Variants in MARCHF1 observed in about 807,000 individuals in gnomAD.
The protein encoded by MARCHF1 is membrane associated ring-CH-type finger 1, also known as E3 ubiquitin-protein ligase MARCHF1.
In MARCHF1, 40 loss-of-function variants were observed where a neutral mutation model predicts 54.2. The observed-to-expected ratio is 0.74, with a 90% CI of 0.57 to 0.96. The LOEUF (loss-of-function observed/expected upper bound fraction) is 0.96. MARCHF1 is among the 40% of genes least tolerant of loss of function. The pLI is 0.00. For missense variants in MARCHF1, 586 were observed against 656.5 expected (o/e 0.89, Z 1.17); for synonymous variants, 236 against 236.3 (o/e 1.00, Z 0.01).
At chr4:164,069,005 T>C (rs1754794235) in intron 2 of MARCHF1, among the ~76,000 whole-genome samples, 1 of 152,052 alleles carries the variant, frequency 6.6e-6, no homozygotes, top group African/African-American at 2.4e-5. Flanking sequence ...TGGAGAACCT[T>C]TGTGTCTAGC....
chr4:164,078,948 C>T (rs1393865645), intron 2 of MARCHF1, among the ~76,000 whole-genome samples: 1 of 151,970 alleles, frequency 6.6e-6, no homozygotes, highest in Non-Finnish European at 1.5e-5. Flanking sequence ...AATTATAATC[C>T]CACCAACAAT....
intron 5 of MARCHF1, among the ~76,000 whole-genome samples, chr4:163,655,718 A>C (rs113229468): frequency 0.011 from 1,675 of 152,160 alleles, 33 homozygotes; most frequent in African/African-American, 0.036. Flanking sequence ...CTGAGACCAC[A>C]GTGCAATCAA....
intron 4 of MARCHF1, among the ~76,000 whole-genome samples, chr4:163,841,670 A>G (rs1006505199): frequency 1.3e-5 from 2 of 152,162 alleles, no homozygotes; most frequent in Admixed American, 6.6e-5. Context: ...AGGTGAAATT[A>G]TTCAACCCAT....
intron 5 of MARCHF1, among the ~76,000 whole-genome samples, chr4:163,617,086 A>C (rs1741539274): frequency 6.6e-6 from 1 of 152,190 alleles, no homozygotes; most frequent in South Asian, 2.1e-4. Flanking sequence ...AAAAACGAAC[A>C]AAATCATGTC....
At chr4:163,835,519 G>T (rs1749156735) in intron 4 of MARCHF1, among the ~76,000 whole-genome samples, 1 of 152,148 alleles carries the variant, frequency 6.6e-6, no homozygotes, top group African/African-American at 2.4e-5. Flanking sequence ...TTCGAATTGT[G>T]TTCAAATAAG....
chr4:163,540,451 C>T (rs187091711), intron 9 of MARCHF1, among the ~76,000 whole-genome samples: 80 of 152,248 alleles, frequency 5.3e-4, no homozygotes, highest in Non-Finnish European at 9.1e-4. Flanking sequence ...GTCCTGGTTG[C>T]TTCTCTCCAG....
chr4:163,527,896 T>TAACA lies in MARCHF1; in HGVS notation c.*848_*851dup, dbSNP rs992529822. ...GTTTTTAAAAAATCAAAATTCATTTTAACAAACAAACATTTATTTTTACTT... is the reference window on the plus strand; with the variant it reads ...GTTTTTAAAAAATCAAAATTCATTTTAACAAACAAACAAACATTTATTTTTACTT... On this transcript the variant is annotated 3_prime_UTR_variant, in exon 10 of 10. Coordinates refer to ENST00000514618, the MANE Select transcript of MARCHF1 (RefSeq NM_001394959.1). The TAACA allele has an allele frequency of 1.1e-4, 17 of 152,324 alleles. No individual in the cohort carries two copies. Among genetic ancestry groups the TAACA allele is most frequent in the South Asian group, 4.1e-4 (2 of 4,832 alleles). The allele number at this position is 152,324 out of a possible 1,614,324, so 9.4% of individuals were successfully genotyped here.
Position 164,275,330 on chromosome 4 carries a change from G to A in MARCHF1, c.-323+108540C>T, listed in dbSNP as rs1009695322. The stretch of plus-strand genomic sequence containing the variant: ...TGCTGCTGCTACACAGACTACTACC[G>A]CAAACAGCCCTTCACGCCCTCCTCC... On this transcript the variant is annotated intron_variant, in intron 1 of 9. Coordinates refer to ENST00000514618, the MANE Select transcript of MARCHF1 (RefSeq NM_001394959.1). 6.8e-4 allele frequency among the ~76,000 whole-genome samples: 103 copies of A among 152,198 alleles called. 1 individual carries two copies. The highest frequency in any genetic ancestry group is 2.3e-3 in the African/African-American group (97 of 41,550).
intron 5 of MARCHF1, among the ~76,000 whole-genome samples, chr4:163,683,045 A>G (rs965101124): frequency 1.3e-5 from 2 of 152,230 alleles, no homozygotes; most frequent in African/African-American, 4.8e-5. Context: ...GAAGTATAAT[A>G]TCTTGAGTAA....
intron 2 of MARCHF1, among the ~76,000 whole-genome samples, chr4:164,059,081 T>C (rs1053769921): frequency 6.6e-6 from 1 of 152,206 alleles, no homozygotes; most frequent in Non-Finnish European, 1.5e-5. Flanking sequence ...TACATGCACA[T>C]ATGAGCTGGT....
Position 163,525,595 on chromosome 4 carries a change from A to AT in MARCHF1, c.*3152dup, listed in dbSNP as rs1161000505. 6.6e-6 allele frequency: 1 copy of AT among 152,182 alleles called. No individual in the cohort carries two copies. The highest frequency in any genetic ancestry group is 1.5e-5 in the Non-Finnish European group (1 of 68,020). The allele number at this position is 152,182 out of a possible 1,614,324, so 9.4% of individuals were successfully genotyped here. On this transcript the variant is annotated 3_prime_UTR_variant, in exon 10 of 10. Transcript: ENST00000514618. ...TCTTTACTCCTGTACGATAAGAGTG[A>AT]TAGTTCTTTAAAAAAATTAACAGCA...
chr4:164,156,628 C>T (rs13106270), intron 1 of MARCHF1, among the ~76,000 whole-genome samples: 25,886 of 152,042 alleles, frequency 0.17, 2,967 homozygotes, highest in Non-Finnish European at 0.26. Context: ...CACCATGTTG[C>T]CCAGGTCGGT....
intron 1 of MARCHF1, among the ~76,000 whole-genome samples, chr4:164,249,652 T>C (rs1396266960): frequency 6.6e-6 from 1 of 151,006 alleles, no homozygotes; most frequent in African/African-American, 2.4e-5. Context: ...TACCAATCTA[T>C]AAGAATGAAT....
intron 7 of MARCHF1, among the ~76,000 whole-genome samples, chr4:163,595,798 T>C (rs1188494065): frequency 6.6e-6 from 1 of 152,128 alleles, no homozygotes; most frequent in Non-Finnish European, 1.5e-5. Flanking sequence ...TTTTTGATTA[T>C]GCAAGATGAT....
chr4:163,621,840 G>T (rs965881856), intron 5 of MARCHF1, among the ~76,000 whole-genome samples: 1 of 152,074 alleles, frequency 6.6e-6, no homozygotes, highest in Non-Finnish European at 1.5e-5. Context: ...GTAGAGAAGG[G>T]TATGAGGAAG....
chr4:164,252,398 A>G (rs10222965), intron 1 of MARCHF1, among the ~76,000 whole-genome samples: 142,318 of 152,176 alleles, frequency 0.94, 66,606 homozygotes, highest in African/African-American at 0.97. Flanking sequence ...GCTAATCCCA[A>G]GGAATGAGAG....
In MARCHF1 at chr4:163,558,232, C is replaced by T. The variant is rs932106327; in HGVS notation, c.1192-12489G>A. 4.6e-5 allele frequency among the ~76,000 whole-genome samples: 7 copies of T among 152,132 alleles called. No homozygotes were observed. The East Asian group carries it at 7.7e-4, about 17-fold the overall frequency. ...ACATGGGGTGTGGAACAGGCGTGAACGGTTCAATGTGCAGGGAGAAGTAGA... is the reference window on the plus strand; with the variant it reads ...ACATGGGGTGTGGAACAGGCGTGAATGGTTCAATGTGCAGGGAGAAGTAGA... On this transcript the variant is annotated intron_variant, in intron 8 of 9. Transcript: ENST00000514618.
At chr4:164,202,684 C>A (rs763960962) in intron 1 of MARCHF1, among the ~76,000 whole-genome samples, 1 of 152,174 alleles carries the variant, frequency 6.6e-6, no homozygotes, top group Non-Finnish European at 1.5e-5. Flanking sequence ...TTTCCCACTA[C>A]GCCTTGCTGC....
At chr4:163,830,233 T>C (rs1415862687) in intron 4 of MARCHF1, among the ~76,000 whole-genome samples, 2 of 151,610 alleles carry the variant, frequency 1.3e-5, no homozygotes, top group Non-Finnish European at 2.9e-5. Flanking sequence ...GAATATTTCA[T>C]CTCTCTTTTT....
Sources: gnomAD v4.1 joint callset for allele counts (sites outside exome capture counted in the v4.1 genomes callset) on GRCh38, gnomAD v4.1.1 for gene constraint, MANE v1.5 for transcripts, NCBI Gene and HGNC (gene_info 2026-07-23, HGNC 2026-07-21) for gene names.